EFCAB5: variants seen among roughly 807,000 people sequenced by gnomAD.
EFCAB5 encodes the protein EF-hand calcium-binding domain-containing protein 5.
Under a neutral mutation model 167.9 loss-of-function variants are expected in EFCAB5, and 131 were observed. The ratio of observed to expected loss-of-function variants is 0.78; its 90% CI spans 0.68 to 0.90. EFCAB5 has a LOEUF of 0.90. EFCAB5 is among the 40% of genes least tolerant of loss of function. The probability of loss-of-function intolerance (pLI) is 0.00; values close to 1 mark genes in which losing one functional copy is unlikely to be tolerated. For synonymous variants in EFCAB5, 574 were observed against 602.8 expected, an observed-to-expected ratio of 0.95 and a Z score of 0.70; for missense variants, 1,663 against 1,745.2, an observed-to-expected ratio of 0.95 and a Z score of 0.84.
intron 14 of EFCAB5, chr17:30,069,158 C>T (rs1330554889): frequency 1.9e-6 from 3 of 1,542,952 alleles, no homozygotes; most frequent in African/African-American, 2.7e-5. Context: ...AATGCAAAGA[C>T]AAGAGAATCC....
At chr17:30,086,075 A>T (rs192104944) in intron 18 of EFCAB5, among the ~76,000 whole-genome samples, 20 of 152,250 alleles carry the variant, frequency 1.3e-4, no homozygotes, top group Non-Finnish European at 1.9e-4. Context: ...AGCTCACAGT[A>T]ACCTTGAACT....
chr17:30,089,605 C>T (rs2071155556), intron 19 of EFCAB5, among the ~76,000 whole-genome samples: 1 of 152,160 alleles, frequency 6.6e-6, no homozygotes, highest in Non-Finnish European at 1.5e-5. Context: ...TATAGATGCT[C>T]TACCCAGATC....
At chr17:29,946,396 G>A (rs1169311314) in intron 3 of EFCAB5, among the ~76,000 whole-genome samples, 1 of 143,140 alleles carries the variant, frequency 7.0e-6, no homozygotes, top group Admixed American at 6.9e-5. Context: ...ATGTAAATTA[G>A]TATAACCTTT....
At chr17:30,054,195 T>C in intron 10 of EFCAB5, 47 bp downstream of exon 10, 1 of 1,467,876 alleles carries the variant, frequency 6.8e-7, no homozygotes, top group Non-Finnish European at 9.0e-7. Context: ...TTTTGTGGAA[T>C]GGTTTTTAAA....
At chr17:30,066,123 AT>A (rs1367535662) in intron 14 of EFCAB5, among the ~76,000 whole-genome samples, 2 of 152,334 alleles carry the variant, frequency 1.3e-5, no homozygotes, top group Admixed American at 6.5e-5. Flanking sequence ...TTTATAGAAC[AT>A]TTTATCCAAC....
intron 5 of EFCAB5, among the ~76,000 whole-genome samples, chr17:29,994,133 AATATATATATATATATATAT>A (rs55875315): frequency 0.02 from 1,118 of 55,860 alleles, 27 homozygotes; most frequent in African/African-American, 0.047. Context: ...AACAACAACA[AATATATATATATATATATAT>A]ATATATATAT....
At chr17:30,092,685 G>A (rs537431684) in intron 21 of EFCAB5, among the ~76,000 whole-genome samples, 155 bp from the exon 22 acceptor site, 1 of 152,210 alleles carries the variant, frequency 6.6e-6, no homozygotes, top group African/African-American at 2.4e-5. Flanking sequence ...CACCACACCC[G>A]GCCATGGGTA....
chr17:30,073,747 T>A (rs1438147729), intron 14 of EFCAB5: 1 of 695,212 alleles, frequency 1.4e-6, no homozygotes, highest in African/African-American at 1.8e-5. Flanking sequence ...ATACATGCCC[T>A]ATGCATCCCA....
intron 3 of EFCAB5, among the ~76,000 whole-genome samples, chr17:29,962,632 CTTTTT>C (rs796553756): frequency 1.8e-5 from 2 of 110,434 alleles, no homozygotes; most frequent in African/African-American, 3.5e-5. Flanking sequence ...CCATGCCTGG[CTTTTT>C]TTTTTTTTTT....
intron 14 of EFCAB5, among the ~76,000 whole-genome samples, chr17:30,077,809 T>C (rs182924566): frequency 6.6e-6 from 1 of 152,378 alleles, no homozygotes; most frequent in East Asian, 1.9e-4. Flanking sequence ...CATTTACTAT[T>C]GTTAAGTCAA....
chr17:30,026,485 T>C (rs1174491141), intron 7 of EFCAB5, among the ~76,000 whole-genome samples: 1 of 152,186 alleles, frequency 6.6e-6, no homozygotes, highest in Non-Finnish European at 1.5e-5. Flanking sequence ...GTTGGTTAAT[T>C]TGTTTACCAG....
In EFCAB5 at chr17:30,054,123, C is replaced by A. The variant is rs4074170; in HGVS notation, c.2169C>A (p.Thr723=). The change falls in exon 10 of 23, where the codon ACC becomes ACA. Residue 723 remains threonine, a synonymous_variant. Transcript: ENST00000394835. ...LSSELQEEVP[T]LSRKDHFPET... is the part of the protein sequence containing the mutation. ...CTGAACTGCAAGAGGAAGTTCCAAC[C>A]TTAAGCAGAAAAGATCACTTTCCAG... is the stretch of plus-strand genomic sequence containing the variant. The A allele has an allele frequency of 3.8e-6, 6 of 1,563,020 alleles. No homozygotes were observed. The highest frequency in any genetic ancestry group is 2.3e-5 in the East Asian group (1 of 43,682).
chr17:29,977,038 C>G (rs141966597), intron 4 of EFCAB5, among the ~76,000 whole-genome samples: 3 of 152,178 alleles, frequency 2.0e-5, no homozygotes, highest in African/African-American at 7.2e-5. Flanking sequence ...TTCTTACGTG[C>G]AATTTTGGAC....
intron 8 of EFCAB5, among the ~76,000 whole-genome samples, chr17:30,046,972 G>A (rs958493985): frequency 6.6e-6 from 1 of 152,206 alleles, no homozygotes; most frequent in African/African-American, 2.4e-5. Context: ...TCTAGCAGCA[G>A]AAAGCTGGGG....
intron 6 of EFCAB5, 61 bp downstream of exon 6, chr17:29,996,421 G>A: frequency 7.4e-7 from 1 of 1,352,354 alleles, no homozygotes; most frequent in South Asian, 1.3e-5. Context: ...GGGGGACACT[G>A]AATTCAGATG....
rs1214048897 is a variant in EFCAB5, at chr17:30,090,590, C to T, written c.3853C>T (p.Gln1285Ter). ...MLLCQEYKDLQKMMKVVQVAC... is the reference protein window; with the variant it reads ...MLLCQEYKDL Reference sequence around the variant, plus strand: ...GTTGTGTCAAGAATATAAAGATCTACAGAAAATGATGAAAGTGGTCCAAGT... The same window carrying T: ...GTTGTGTCAAGAATATAAAGATCTATAGAAAATGATGAAAGTGGTCCAAGT... Residue 1285 changes from glutamine to a stop codon, truncating the protein, a stop_gained, in exon 20 of 23, where the codon CAG becomes TAG. Coordinates refer to ENST00000394835, the MANE Select transcript of EFCAB5 (RefSeq NM_198529.4). LOFTEE classifies it high-confidence loss of function. 1 of 1,613,902 alleles carries T rather than the reference C, an allele frequency of 6.2e-7. No homozygotes were observed. The highest frequency in any genetic ancestry group is 2.2e-5 in the East Asian group (1 of 44,886).
At chr17:29,968,411 C>A in intron 3 of EFCAB5, 1 of 428,848 alleles carries the variant, frequency 2.3e-6, no homozygotes, top group South Asian at 1.7e-5. Context: ...GGGATCTTCT[C>A]CTCTTGGATA....
chr17:29,972,344 C>T (rs1014526616), intron 4 of EFCAB5, among the ~76,000 whole-genome samples: 5 of 152,092 alleles, frequency 3.3e-5, no homozygotes, highest in Non-Finnish European at 5.9e-5. Context: ...TCACCGCGCC[C>T]GGCCCAGGCA....
chr17:30,003,058 T>C (rs887377993), intron 7 of EFCAB5, among the ~76,000 whole-genome samples: 1 of 146,894 alleles, frequency 6.8e-6, no homozygotes, highest in Non-Finnish European at 1.5e-5. Context: ...GCTGAGACTC[T>C]GAGATTCTGT....
Sources: allele counts gnomAD v4.1 joint callset (sites outside exome capture counted in the v4.1 genomes callset), GRCh38; gene constraint gnomAD v4.1.1; transcripts MANE v1.5; gene names NCBI Gene and HGNC (gene_info 2026-07-23, HGNC 2026-07-21).